Variants in PAPLN observed in about 807,000 individuals in gnomAD.
The protein encoded by PAPLN is papilin.
Under a neutral mutation model 159.0 loss-of-function variants are expected in PAPLN, and 146 were observed. The ratio of observed to expected loss-of-function variants is 0.92; its 90% CI spans 0.80 to 1.05. PAPLN has a LOEUF of 1.05. Among genes scored for constraint, PAPLN ranks in the 50% least tolerant of loss-of-function variants. The probability of loss-of-function intolerance (pLI) is 0.00; values close to 1 mark genes in which losing one functional copy is unlikely to be tolerated. For missense variants in PAPLN, 1,720 were observed against 1,743.9 expected, an observed-to-expected ratio of 0.99 and a Z score of 0.24; for synonymous variants, 734 against 702.9, an observed-to-expected ratio of 1.04 and a Z score of -0.70.
In PAPLN at chr14:73,245,591, G is replaced by GA. The variant is rs1431702797; in HGVS notation, c.171-44dup. The GA allele has an allele frequency of 1.3e-6, 2 of 1,542,662 alleles. No homozygotes were observed. The highest frequency in any genetic ancestry group is 4.9e-5 in the East Asian group (2 of 40,942). ...CAGAGAGCCCCAGAACGGGGGCAGG[G>GA]ACGTTGGGTCTCGGTCAGGTCTTCC... On this transcript the variant is annotated intron_variant, in intron 3 of 26. Coordinates refer to ENST00000644200, the MANE Select transcript of PAPLN (RefSeq NM_001365906.3). This position sits in a 1 kb window ranked among gnomAD's most constrained non-coding sequence, Gnocchi z 4.2.
rs903112757 is a variant in PAPLN, at chr14:73,265,178, C to T, written c.3126-192C>T. Among the ~76,000 whole-genome samples, 30 of 152,074 alleles carry T rather than the reference C, an allele frequency of 2.0e-4. No individual in the cohort carries two copies. The highest frequency in any genetic ancestry group is 7.0e-4 in the African/African-American group (29 of 41,488). On this transcript the variant is annotated intron_variant, in intron 22 of 26. Coordinates refer to ENST00000644200, the MANE Select transcript of PAPLN (RefSeq NM_001365906.3). The surrounding 1 kb of genome is among the most constrained non-coding windows in gnomAD (Gnocchi z 4.1). ...GTGGAGGGGCAGGGAGTGGTAGTGG[C>T]GGGGAGGCAGCTTTAGACTTCACCC... is the stretch of plus-strand genomic sequence containing the variant.
rs1038138394 is a variant in PAPLN, at chr14:73,269,433, G to C, written c.3667+710G>C. Among the ~76,000 whole-genome samples the C allele has an allele frequency of 3.9e-5, 6 of 152,186 alleles. No individual in the cohort carries two copies. The East Asian group carries it at 1.2e-3, about 29-fold the overall frequency. On this transcript the variant is annotated intron_variant, in intron 26 of 26. Transcript: ENST00000644200. ...ATACTTCAACAAATCCAAATTGCCT[G>C]TAAGATGCATTATTTTTGTACCAAG... is the stretch of plus-strand genomic sequence containing the variant.
At position 73,244,727 on chromosome 14, in the gene PAPLN, CAG is replaced by C. The variant is rs1464619504; in HGVS notation, c.139_140del (p.Ser47LeufsTer70). ...GCAGCCGGACCTGTGGAGGGGGTGT[CAG>C]CTTCCGGGAGCGCCCCTGCTACTCC... is the stretch of plus-strand genomic sequence containing the variant. ...PCSRTCGGGV[S>X]FRERPCYSQR... is the part of the protein sequence containing the mutation. On this transcript the variant is annotated frameshift_variant, in exon 3 of 27. Coordinates refer to ENST00000644200, the MANE Select transcript of PAPLN (RefSeq NM_001365906.3). LOFTEE classifies it high-confidence loss of function. 1 of 1,588,724 alleles carries C rather than the reference CAG, an allele frequency of 6.3e-7. No individual in the cohort carries two copies. Among genetic ancestry groups the C allele is most frequent in the East Asian group, 2.3e-5 (1 of 43,562 alleles).
intron 2 of PAPLN, chr14:73,244,214 A>C: frequency 6.2e-6 from 1 of 160,610 alleles, no homozygotes. Context: ...GAGGGGATGA[A>C]TATTGGGGTA....
Position 73,250,182 on chromosome 14 carries a change from C to G in PAPLN, c.465+68C>G, listed in dbSNP as rs1442868618. On this transcript the variant is annotated intron_variant, in intron 6 of 26. Coordinates refer to ENST00000644200, the MANE Select transcript of PAPLN (RefSeq NM_001365906.3). ...GGGCTCAGTGCGGGTGTTTCCCTGT[C>G]CATCACCCATAGGCCCAGGTAGCTG... is the stretch of plus-strand genomic sequence containing the variant. 8 of 1,484,072 alleles carry G rather than the reference C, an allele frequency of 5.4e-6. No individual in the cohort carries two copies. The East Asian group carries it at 2.0e-4, about 37-fold the overall frequency. 91.9% of individuals were successfully genotyped at this position (1,484,072 alleles called of 1,614,324 possible).
intron 25 of PAPLN, 51 bp from the exon 26 acceptor site, chr14:73,268,506 C>T: frequency 6.4e-7 from 1 of 1,557,982 alleles, no homozygotes; most frequent in South Asian, 1.2e-5. Context: ...CCTCTGTCTC[C>T]CAGACCTCCA....
At chr14:73,241,655 G>C (rs1883552707) in intron 2 of PAPLN, among the ~76,000 whole-genome samples, 1 of 152,248 alleles carries the variant, frequency 6.6e-6, no homozygotes, top group African/African-American at 2.4e-5. Flanking sequence ...TGAGTCTGCA[G>C]GGGGTGTGGC....
chr14:73,272,514 G>C lies in PAPLN; in HGVS notation c.3687G>C (p.Arg1229Ser), dbSNP rs779023872. Residue 1229 changes from arginine to serine, a missense_variant, in exon 27 of 27, where the codon AGG (arginine) becomes AGC (serine). Coordinates refer to ENST00000644200, the MANE Select transcript of PAPLN (RefSeq NM_001365906.3). Reference protein sequence around the residue: ...VVSPAPTAQPRDPGRDCVDQP... With the variant: ...VVSPAPTAQPSDPGRDCVDQP... ...CTGCAGCACCCACCGCCCAGCCCAG[G>C]GACCCTGGCAGGGACTGCGTCGACC... is the stretch of plus-strand genomic sequence containing the variant. The C allele has an allele frequency of 1.3e-6, 2 of 1,562,656 alleles. No individual in the cohort carries two copies. Among genetic ancestry groups the C allele is most frequent in the Non-Finnish European group, 1.8e-6 (2 of 1,142,568 alleles).
In PAPLN at chr14:73,264,675, C is replaced by T. The variant is rs1887031097; in HGVS notation, c.3074C>T (p.Ala1025Val). 6.2e-7 allele frequency: 1 copy of T among 1,610,990 alleles called. No homozygotes were observed. Among genetic ancestry groups the T allele is most frequent in the African/African-American group, 1.3e-5 (1 of 74,694 alleles). Residue 1025 changes from alanine (A) to valine (V), a missense_variant, in exon 22 of 27, where the codon GCT (alanine) becomes GTT (valine). Transcript: ENST00000644200. Reference sequence around the variant, plus strand: ...GCTCAGGACTTTGGCCAAGCGGGGGCTGCTGGGCCCCTGGGGGCCATCCCC... The same window carrying T: ...GCTCAGGACTTTGGCCAAGCGGGGGTTGCTGGGCCCCTGGGGGCCATCCCC... Reference protein sequence around the residue: ...DPAQDFGQAGAAGPLGAIPSS... With the variant: ...DPAQDFGQAGVAGPLGAIPSS...
intron 1 of PAPLN, chr14:73,239,501 C>CT (rs1360504943): frequency 4.2e-6 from 2 of 478,462 alleles, no homozygotes; most frequent in Non-Finnish European, 3.6e-6. Context: ...ATTGCTCTCT[C>CT]TTTTTTTCCC....
At position 73,250,129 on chromosome 14, in the gene PAPLN, A is replaced by G; in HGVS notation, c.465+15A>G. On this transcript the variant is annotated intron_variant, in intron 6 of 26. Coordinates refer to ENST00000644200, the MANE Select transcript of PAPLN (RefSeq NM_001365906.3). ...GCAGCTGCCGGGTGAGTGGTGCCCC[A>G]GCCCCTCCCTGCCTCCGGGCTGCCT... is the stretch of plus-strand genomic sequence containing the variant. 2 of 1,598,232 alleles carry G rather than the reference A, an allele frequency of 1.3e-6. No homozygotes were observed. Among genetic ancestry groups the G allele is most frequent in the Non-Finnish European group, 1.7e-6 (2 of 1,172,680 alleles).
chr14:73,261,094 C>T (rs1886522948), intron 17 of PAPLN, 62 bp from the exon 18 acceptor site: 1 of 1,613,178 alleles, frequency 6.2e-7, no homozygotes, highest in Non-Finnish European at 8.5e-7. Context: ...CCGTGGCAGC[C>T]CAGAGTCCCC....
At position 73,266,585 on chromosome 14, in the gene PAPLN, T is replaced by C; in HGVS notation, c.3348T>C (p.Asn1116=). The change falls in exon 24 of 27, where the codon AAT becomes AAC. Residue 1116 remains asparagine (N), a synonymous_variant. Coordinates refer to ENST00000644200, the MANE Select transcript of PAPLN (RefSeq NM_001365906.3). ...DGGFYTCVAF[N]GQDRDQRWVQ... ...GCTTCTACACCTGTGTCGCTTTCAA[T>C]GGGCAGGACCGAGACCAGCGATGGG... 1.2e-6 allele frequency: 2 copies of C among 1,614,146 alleles called. No individual in the cohort carries two copies. The highest frequency in any genetic ancestry group is 1.7e-6 in the Non-Finnish European group (2 of 1,180,026).
In PAPLN at chr14:73,249,985, C is replaced by G; in HGVS notation, c.336C>G (p.Ala112=). 1 of 1,603,954 alleles carries G rather than the reference C, an allele frequency of 6.2e-7. No homozygotes were observed. The change falls in exon 6 of 27, where the codon GCC becomes GCG. Residue 112 remains alanine, a splice_region_variant and synonymous_variant. Transcript: ENST00000644200. ...RRYRWLPYYS[A]PNKCELNCIP... ...GTCTTGCCTTCCTGCCCACCCCAGCCCCAAACAAGTGTGAACTGAACTGCA... is the reference window on the plus strand; with the variant it reads ...GTCTTGCCTTCCTGCCCACCCCAGCGCCAAACAAGTGTGAACTGAACTGCA...
In PAPLN at chr14:73,262,469, G is replaced by C; in HGVS notation, c.2365G>C (p.Gly789Arg). Reference protein sequence around the residue: ...CNRFWYGGCHGNANNFASEQE... With the variant: ...CNRFWYGGCHRNANNFASEQE... ...CCGCTTCTGGTATGGCGGCTGCCAT[G>C]GCAATGCCAATAACTTTGCCTCGGA... is the stretch of plus-strand genomic sequence containing the variant. The change falls in exon 19 of 27, where the codon GGC becomes CGC. Residue 789 changes from glycine to arginine, a missense_variant. Transcript: ENST00000644200. 6.2e-7 allele frequency: 1 copy of C among 1,609,998 alleles called. No individual in the cohort carries two copies. The highest frequency in any genetic ancestry group is 8.5e-7 in the Non-Finnish European group (1 of 1,178,152).
chr14:73,246,563 TTCTC>T (rs1284662426), intron 5 of PAPLN, among the ~76,000 whole-genome samples: 1 of 151,420 alleles, frequency 6.6e-6, no homozygotes, highest in Non-Finnish European at 1.5e-5. Flanking sequence ...TTTCTTTTCT[TTCTC>T]TCTCGTTCTC....
At chr14:73,272,402 T>C in intron 26 of PAPLN, 93 bp from the exon 27 acceptor site, 1 of 1,245,560 alleles carries the variant, frequency 8.0e-7, no homozygotes, top group Non-Finnish European at 1.1e-6. Flanking sequence ...GTTATAATGC[T>C]GTGTTCCTTT....
At position 73,247,984 on chromosome 14, in the gene PAPLN, C is replaced by CTGTGTG. The variant is rs60942606; in HGVS notation, c.334+1849_334+1854dup. ...TGGCCCACTGGGAGTCTCATATCCT[C>CTGTGTG]TGTGTGTGTGTGTGTGTGTGTGTGT... On this transcript the variant is annotated intron_variant, in intron 5 of 26. Coordinates refer to ENST00000644200, the MANE Select transcript of PAPLN (RefSeq NM_001365906.3). Among the ~76,000 whole-genome samples, 188 of 19,376 alleles carry CTGTGTG rather than the reference C, an allele frequency of 9.7e-3. 9 individuals carry two copies. The highest frequency in any genetic ancestry group is 0.012 in the Non-Finnish European group (142 of 11,444). 12.7% of individuals were successfully genotyped at this position (19,376 alleles called of 152,430 possible). A position where few individuals can be genotyped will look rare whatever the true frequency, so the allele number is the denominator to read the frequency against.
In PAPLN at chr14:73,245,644, G is replaced by T; in HGVS notation, c.179G>T (p.Gly60Val). 6.4e-7 allele frequency: 1 copy of T among 1,560,252 alleles called. No homozygotes were observed. The highest frequency in any genetic ancestry group is 8.7e-7 in the Non-Finnish European group (1 of 1,153,658). ...ERPCYSQRRD[G>V]GSSCVGPARS... The stretch of plus-strand genomic sequence containing the variant: ...GTGCTCTGGTCCCGCAGGAGAGATG[G>T]AGGCTCCAGCTGCGTGGGCCCCGCC... Residue 60 changes from glycine (G) to valine (V), a missense_variant, in exon 4 of 27, where the codon GGA (glycine) becomes GTA (valine). Transcript: ENST00000644200. The surrounding 1 kb of genome is among the most constrained non-coding windows in gnomAD (Gnocchi z 4.2).
Sources: allele counts gnomAD v4.1 joint callset (sites outside exome capture counted in the v4.1 genomes callset), GRCh38; gene constraint gnomAD v4.1.1; non-coding constraint Gnocchi (gnomAD v3.1); transcripts MANE v1.5; gene names NCBI Gene and HGNC (gene_info 2026-07-23, HGNC 2026-07-21).